The following MYO16 variants were observed in gnomAD, a reference collection of about 807,000 sequenced individuals.
MYO16 encodes the protein myosin XVI.
MYO16 carries 94 observed loss-of-function variants against 205.3 expected under a neutral mutation model. The ratio of observed to expected loss-of-function variants is 0.46; its 90% CI spans 0.39 to 0.54. The LOEUF (loss-of-function observed/expected upper bound fraction) is 0.54, where lower values mean the gene tolerates loss of function less well. Ranked by LOEUF, MYO16 falls within the 20% of genes least tolerant of loss-of-function variation. MYO16 has a pLI of 0.00. For missense variants in MYO16, 2,315 were observed against 2,387.5 expected (o/e 0.97, Z 0.63); for synonymous variants, 988 against 954.0 (o/e 1.04, Z -0.66).
At chr13:108,852,524 A>G (rs879306631) in intron 10 of MYO16, among the ~76,000 whole-genome samples, 1 of 152,244 alleles carries the variant, frequency 6.6e-6, no homozygotes, top group Admixed American at 6.5e-5. Flanking sequence ...AAAATTTTAA[A>G]AAAATGTTAT....
chr13:108,593,030 G>A (rs74117265), upstream of MYO16, among the ~76,000 whole-genome samples: 4,203 of 152,152 alleles, frequency 0.028, 186 homozygotes, highest in African/African-American at 0.094. Context: ...CCCTGTGAGC[G>A]CAGGTGGAAG....
intron 16 of MYO16, among the ~76,000 whole-genome samples, chr13:108,926,914 C>T (rs940487430): frequency 7.9e-5 from 12 of 152,152 alleles, no homozygotes; most frequent in Admixed American, 5.2e-4. Flanking sequence ...GCACGTAGTT[C>T]TGTTTAGGCT....
chr13:108,566,741 G>GGAAT, the MYO16 span, among the ~76,000 whole-genome samples: 2 of 59,938 alleles, frequency 3.3e-5, no homozygotes, highest in Non-Finnish European at 7.1e-5. Context: ...AAGGGAGGAA[G>GGAAT]GAAGGAAGGA....
In MYO16 at chr13:108,646,111, C is replaced by T. The variant is rs1594172267; in HGVS notation, c.28+16239C>T. On this transcript the variant is annotated intron_variant, in intron 1 of 34. Coordinates refer to ENST00000457511, the MANE Select transcript of MYO16 (RefSeq NM_001198950.3). ...GGTTCCTTAGTTTGTGATCACATGT[C>T]TGCATGAGGAGAAAGTGGTAGCTCC... Among the ~76,000 whole-genome samples, 3 of 152,258 alleles carry T rather than the reference C, an allele frequency of 2.0e-5. No homozygotes were observed. In the South Asian group the frequency reaches 6.2e-4, roughly 32 times the overall value.
At chr13:108,807,955 A>G (rs1432088717) in intron 7 of MYO16, among the ~76,000 whole-genome samples, 4 of 152,204 alleles carry the variant, frequency 2.6e-5, no homozygotes, top group East Asian at 1.9e-4. Flanking sequence ...CAACTGTTCT[A>G]TTGTAAAGTG....
intron 2 of MYO16, among the ~76,000 whole-genome samples, chr13:108,709,019 G>A (rs1227274262): frequency 2.2e-5 from 3 of 138,994 alleles, no homozygotes; most frequent in Non-Finnish European, 4.5e-5. Context: ...CAGGCATCTC[G>A]ATGGAGTTCT....
At chr13:108,759,596 C>A (rs35036624) in intron 4 of MYO16, among the ~76,000 whole-genome samples, 1 of 151,996 alleles carries the variant, frequency 6.6e-6, no homozygotes, top group African/African-American at 2.4e-5. Flanking sequence ...CCGAGGTGGG[C>A]GGATCACGAG....
intron 27 of MYO16, among the ~76,000 whole-genome samples, chr13:109,086,732 G>C (rs2139680939): frequency 6.6e-6 from 1 of 152,106 alleles, no homozygotes; most frequent in African/African-American, 2.4e-5. Context: ...TATGTGTCTG[G>C]GACTCTGATT....
chr13:108,832,819 A>G (rs1028351066), intron 9 of MYO16, among the ~76,000 whole-genome samples: 1 of 152,206 alleles, frequency 6.6e-6, no homozygotes, highest in Non-Finnish European at 1.5e-5. Context: ...TAATCTATAA[A>G]ACATCAAGCC....
chr13:109,086,353 G>C (rs916118011), intron 27 of MYO16, among the ~76,000 whole-genome samples: 12 of 152,120 alleles, frequency 7.9e-5, no homozygotes, highest in Admixed American at 7.9e-4. Flanking sequence ...TGTCTCAATG[G>C]GTAGTTATCA....
At chr13:108,516,115 A>T in the MYO16 span, among the ~76,000 whole-genome samples, 1 of 151,062 alleles carries the variant, frequency 6.6e-6, no homozygotes, top group Non-Finnish European at 1.5e-5. Context: ...CTGCTGTGCT[A>T]GCAATCAGCG....
chr13:108,863,672 G>T (rs547800957), intron 11 of MYO16, among the ~76,000 whole-genome samples: 1 of 152,130 alleles, frequency 6.6e-6, no homozygotes, highest in Middle Eastern at 3.4e-3. Flanking sequence ...ATTCCTATTA[G>T]AGTCTAATGT....
chr13:108,701,505 C>T (rs1883305744), intron 2 of MYO16, among the ~76,000 whole-genome samples: 1 of 152,090 alleles, frequency 6.6e-6, no homozygotes, highest in African/African-American at 2.4e-5. Flanking sequence ...AAAGTTCTCA[C>T]AATATGCTGG....
At chr13:108,527,885 T>C in the MYO16 span, among the ~76,000 whole-genome samples, 1 of 152,230 alleles carries the variant, frequency 6.6e-6, no homozygotes, top group Non-Finnish European at 1.5e-5. Context: ...GAAAGGATTC[T>C]TTGAAAGTGA....
At chr13:108,565,952 T>G in the MYO16 span, among the ~76,000 whole-genome samples, 1 of 152,130 alleles carries the variant, frequency 6.6e-6, no homozygotes, top group Non-Finnish European at 1.5e-5. Flanking sequence ...GTTGAGGATT[T>G]TTGCATCAAT....
upstream of MYO16, among the ~76,000 whole-genome samples, chr13:108,594,428 C>T (rs942943407): frequency 6.6e-6 from 1 of 152,166 alleles, no homozygotes; most frequent in Non-Finnish European, 1.5e-5. Context: ...GCACTCTTTC[C>T]CTCCTTCACA....
chr13:108,857,276 T>C (rs989496164), intron 11 of MYO16, among the ~76,000 whole-genome samples: 2 of 152,230 alleles, frequency 1.3e-5, no homozygotes, highest in African/African-American at 2.4e-5. Flanking sequence ...AACTCATTGG[T>C]AGTTTGTTAA....
At chr13:109,059,986 A>G (rs1887538717) in intron 27 of MYO16, among the ~76,000 whole-genome samples, 1 of 152,182 alleles carries the variant, frequency 6.6e-6, no homozygotes, top group African/African-American at 2.4e-5. Flanking sequence ...TCGGAAAACA[A>G]CAGATGCTGG....
At chr13:108,809,283 C>A (rs1887212375) in intron 7 of MYO16, among the ~76,000 whole-genome samples, 1 of 152,218 alleles carries the variant, frequency 6.6e-6, no homozygotes, top group African/African-American at 2.4e-5. Flanking sequence ...CACACCGTAG[C>A]TTTCATATAC....
Sources: allele counts gnomAD v4.1 joint callset (sites outside exome capture counted in the v4.1 genomes callset), GRCh38; gene constraint gnomAD v4.1.1; transcripts MANE v1.5; gene names NCBI Gene and HGNC (gene_info 2026-07-23, HGNC 2026-07-21).